The following TEAD2 variants were observed in gnomAD, a reference collection of about 807,000 sequenced individuals.
TEAD2 encodes TEA domain transcription factor 2.
In TEAD2, 51 loss-of-function variants were observed where a neutral mutation model predicts 61.4. That is an observed-to-expected ratio of 0.83 (90% CI 0.66 to 1.05). The LOEUF (loss-of-function observed/expected upper bound fraction) is 1.05, where lower values mean the gene tolerates loss of function less well. Ranked by LOEUF, TEAD2 falls within the 50% of genes least tolerant of loss-of-function variation. TEAD2 has a pLI of 0.00. For missense variants in TEAD2, 509 were observed against 600.0 expected (o/e 0.85, Z 1.58); for synonymous variants, 244 against 243.2 (o/e 1.00, Z -0.03).
At chr19:49,348,585 A>C in intron 9 of TEAD2, 118 bp downstream of exon 9, 1 of 937,808 alleles carries the variant, frequency 1.1e-6, no homozygotes, top group Non-Finnish European at 1.7e-6. Flanking sequence ...TGTTTTAAGA[A>C]GCCCTTCAGA....
chr19:49,348,382 T>C (rs566409943), intron 9 of TEAD2, among the ~76,000 whole-genome samples: 1 of 152,166 alleles, frequency 6.6e-6, no homozygotes, highest in Non-Finnish European at 1.5e-5. Flanking sequence ...ACACGTTTGA[T>C]AAATGAATGA....
At chr19:49,353,957 G>GT (rs77121881) in intron 7 of TEAD2, among the ~76,000 whole-genome samples, 98 of 141,674 alleles carry the variant, frequency 6.9e-4, no homozygotes, top group South Asian at 1.6e-3. Context: ...ATTGTTTTTT[G>GT]TTTTTTTTTT....
chr19:49,342,019 C>T (rs1395061519), intron 12 of TEAD2, among the ~76,000 whole-genome samples: 4 of 152,062 alleles, frequency 2.6e-5, no homozygotes, highest in Non-Finnish European at 5.9e-5. Flanking sequence ...TGGTGAAACC[C>T]CATCTCTACT....
Position 49,341,312 on chromosome 19 carries a change from T to TG in TEAD2, c.*11dup. The TG allele has an allele frequency of 6.2e-7, 1 of 1,612,118 alleles. No individual in the cohort carries two copies. ...GGTGTTCTGGGGGGTGAGCCAGTTT[T>TG]GGGGTCCCCCTTCAGTCCCTGACCA... On this transcript the variant is annotated 3_prime_UTR_variant, in exon 13 of 13. Coordinates refer to ENST00000593945, the MANE Select transcript of TEAD2 (RefSeq NM_001256660.2). The surrounding 1 kb of genome is among the most constrained non-coding windows in gnomAD (Gnocchi z 4.2).
In TEAD2 at chr19:49,351,506, G is replaced by C. The variant is rs1972022501; in HGVS notation, c.540-141C>G. 2.0e-5 allele frequency: 15 copies of C among 740,508 alleles called. No homozygotes were observed. The South Asian group carries it at 2.9e-4, about 14-fold the overall frequency. The allele number at this position is 740,508 out of a possible 1,614,324, so 45.9% of individuals were successfully genotyped here. On this transcript the variant is annotated intron_variant, in intron 7 of 12. Transcript: ENST00000593945. ...CTGAAGCCTCACAGTGCGTGAGGTA[G>C]GTAGAATGACTGCTCTTTTCATTGC... is the stretch of plus-strand genomic sequence containing the variant.
chr19:49,346,178 AAAAAAAAC>A (rs1315676137), intron 10 of TEAD2, among the ~76,000 whole-genome samples: 8 of 147,946 alleles, frequency 5.4e-5, no homozygotes, highest in African/African-American at 1.7e-4. Flanking sequence ...AAAAAAAAAA[AAAAAAAAC>A]AATAAAAGAA....
At chr19:49,344,763 G>A (rs1472491954) in intron 10 of TEAD2, among the ~76,000 whole-genome samples, 8 of 152,138 alleles carry the variant, frequency 5.3e-5, no homozygotes, top group Admixed American at 1.3e-4. Flanking sequence ...GGAGCCTGAG[G>A]AGGCCTGACT....
intron 10 of TEAD2, among the ~76,000 whole-genome samples, chr19:49,345,140 T>C (rs1395235367): frequency 2.6e-5 from 4 of 152,196 alleles, no homozygotes; most frequent in South Asian, 4.2e-4. Flanking sequence ...GCCCCAACAA[T>C]GTCTAAGCCC....
At chr19:49,357,612 G>A in intron 3 of TEAD2, 1 of 514,204 alleles carries the variant, frequency 1.9e-6, no homozygotes, top group Non-Finnish European at 3.5e-6. Context: ...AACAGGCACA[G>A]TGAGAGCACA....
chr19:49,349,360 G>A (rs376022706), intron 8 of TEAD2, among the ~76,000 whole-genome samples: 3 of 152,138 alleles, frequency 2.0e-5, no homozygotes, highest in Non-Finnish European at 2.9e-5. Flanking sequence ...CTACTTAGGA[G>A]GCTGAGGCAG....
At chr19:49,351,497 C>T (rs911183942) in intron 7 of TEAD2, 132 bp from the exon 8 acceptor site, 10 of 780,658 alleles carry the variant, frequency 1.3e-5, no homozygotes, top group Admixed American at 1.2e-4. Context: ...CCTCACAGTG[C>T]GTGAGGTAGG....
rs933363180 is a variant in TEAD2 at position 49,348,780 on chromosome 19, C to A, written c.670G>T (p.Ala224Ser). The change falls in exon 9 of 13, where the codon GCT becomes TCT. Residue 224 changes from alanine to serine, a missense_variant. Physicochemically the swap from Ala to Ser is moderately conservative, Grantham distance 99 (BLOSUM62 1). Transcript: ENST00000593945. ...AACCGGGCGGTGCCCAGGCCCCGAG[C>A]CTGCCAGGCTGGGGGCGATGGGGTA... ...PPTPSPPAWQ[A>S]RGLGTARLQL... is the part of the protein sequence containing the mutation. 1.2e-6 allele frequency: 2 copies of A among 1,613,168 alleles called. No individual in the cohort carries two copies. Among genetic ancestry groups the A allele is most frequent in the African/African-American group, 2.7e-5 (2 of 74,958 alleles).
At chr19:49,355,052 T>TG in intron 7 of TEAD2, 96 bp downstream of exon 7, 2 of 765,638 alleles carry the variant, frequency 2.6e-6, no homozygotes, top group Non-Finnish European at 2.2e-6. Flanking sequence ...CATACATAAA[T>TG]GGGGGGACAC....
chr19:49,341,243 A>T lies in TEAD2; in HGVS notation c.*81T>A. On this transcript the variant is annotated 3_prime_UTR_variant, in exon 13 of 13. Transcript: ENST00000593945. The surrounding 1 kb of genome is among the most constrained non-coding windows in gnomAD (Gnocchi z 4.2). ...CCTTTACATCACAGCCCTCTCCCCA[A>T]ATAAGAAGCATGAGGTGAGCTGGAG... is the stretch of plus-strand genomic sequence containing the variant. 8.2e-7 allele frequency: 1 copy of T among 1,213,660 alleles called. No individual in the cohort carries two copies. The highest frequency in any genetic ancestry group is 1.2e-6 in the Non-Finnish European group (1 of 824,550). The allele number at this position is 1,213,660 out of a possible 1,614,324, so 75.2% of individuals were successfully genotyped here.
intron 1 of TEAD2, chr19:49,361,874 C>T (rs1972971933): frequency 6.5e-6 from 1 of 152,724 alleles, no homozygotes; most frequent in South Asian, 2.1e-4. Flanking sequence ...CAGCCCTTCC[C>T]CATGTGGCCA....
Position 49,359,574 on chromosome 19 carries a change from A to G in TEAD2, c.233-75T>C. The G allele has an allele frequency of 6.5e-7, 1 of 1,544,070 alleles. No homozygotes were observed. Among genetic ancestry groups the G allele is most frequent in the Non-Finnish European group, 8.9e-7 (1 of 1,117,488 alleles). On this transcript the variant is annotated intron_variant, in intron 2 of 12. Coordinates refer to ENST00000593945, the MANE Select transcript of TEAD2 (RefSeq NM_001256660.2). This position sits in a 1 kb window ranked among gnomAD's most constrained non-coding sequence, Gnocchi z 4.1. The stretch of plus-strand genomic sequence containing the variant: ...CCCCACAGCATGGACACCAGGGAAG[A>G]AGAAAGCAGCATGGGTCCCCAAAGG...
At chr19:49,356,063 G>T (rs181202292) in intron 4 of TEAD2, 93 bp from the exon 5 acceptor site, 13 of 855,476 alleles carry the variant, frequency 1.5e-5, no homozygotes, top group East Asian at 5.5e-5. Flanking sequence ...TGCCCTACCC[G>T]CCCGCACAGC....
intron 1 of TEAD2, among the ~76,000 whole-genome samples, chr19:49,361,019 G>C (rs1972851004): frequency 1.9e-5 from 1 of 51,912 alleles, no homozygotes; most frequent in African/African-American, 9.0e-5. Context: ...GGGGGGGACA[G>C]AGACCAGAGG....
intron 1 of TEAD2, 146 bp from the exon 2 acceptor site, chr19:49,360,227 G>A: frequency 1.5e-6 from 1 of 658,358 alleles, no homozygotes; most frequent in East Asian, 2.7e-5. Context: ...AGAGGAGCTG[G>A]GGGGTATTCC....
Sources: allele counts gnomAD v4.1 joint callset (sites outside exome capture counted in the v4.1 genomes callset), GRCh38; gene constraint gnomAD v4.1.1; non-coding constraint Gnocchi (gnomAD v3.1); transcripts MANE v1.5; gene names NCBI Gene and HGNC (gene_info 2026-07-23, HGNC 2026-07-21).